The following TMPRSS11F variants were observed in gnomAD, a reference collection of about 807,000 sequenced individuals.
The protein encoded by TMPRSS11F is transmembrane protease serine 11F.
A neutral mutation model predicts 60.2 loss-of-function variants in TMPRSS11F; 47 were observed. That is an observed-to-expected ratio of 0.78 (90% CI 0.62 to 1.00). The LOEUF is 1.00. Ranked by LOEUF, TMPRSS11F falls within the 50% of genes least tolerant of loss-of-function variation. The pLI is 0.00. For synonymous variants in TMPRSS11F, 166 were observed against 167.3 expected, an observed-to-expected ratio of 0.99 and a Z score of 0.06; for missense variants, 519 against 522.9, an observed-to-expected ratio of 0.99 and a Z score of 0.07.
At chr4:68,092,862 T>C (rs1248135410) in intron 2 of TMPRSS11F, among the ~76,000 whole-genome samples, 1 of 151,776 alleles carries the variant, frequency 6.6e-6, no homozygotes, top group Non-Finnish European at 1.5e-5. Flanking sequence ...GTAAAAGTGA[T>C]TTTAATATAT....
chr4:68,092,940 T>A (rs1723975732), intron 2 of TMPRSS11F, among the ~76,000 whole-genome samples: 2 of 152,204 alleles, frequency 1.3e-5, no homozygotes. Flanking sequence ...TTAGTCACTA[T>A]ACTATAGCAA....
At chr4:68,072,895 C>T (rs761992065) in intron 4 of TMPRSS11F, among the ~76,000 whole-genome samples, 1 of 152,080 alleles carries the variant, frequency 6.6e-6, no homozygotes, top group Admixed American at 6.6e-5. Flanking sequence ...AGGGAGGATC[C>T]TTTTGTTTAC....
Position 68,072,422 on chromosome 4 carries a change from C to T in TMPRSS11F, c.415G>A (p.Ala139Thr). Reference protein sequence around the residue: ...LIFRYPSTDSAEQIKKKIEKA... With the variant: ...LIFRYPSTDSTEQIKKKIEKA... ...TCAATTTTTTTCTTGATTTGTTCAG[C>T]ACTATCAGTAGATGGGTATCGAAAT... The change falls in exon 5 of 10, where the codon GCT (alanine) becomes ACT (threonine). Residue 139 changes from alanine to threonine, a missense_variant. Ala to Thr is a moderately conservative substitution (Grantham distance 58). Transcript: ENST00000356291. 1.3e-6 allele frequency: 2 copies of T among 1,591,558 alleles called. No homozygotes were observed.
At chr4:68,083,614 C>A (rs1723749238) in intron 3 of TMPRSS11F, among the ~76,000 whole-genome samples, 1 of 151,952 alleles carries the variant, frequency 6.6e-6, no homozygotes, top group South Asian at 2.1e-4. Flanking sequence ...AGACAACAGA[C>A]TATACTCAAC....
In TMPRSS11F at chr4:68,065,830, G is replaced by A. The variant is rs115290037; in HGVS notation, c.756-886C>T. 9.2e-3 allele frequency among the ~76,000 whole-genome samples: 1,405 copies of A among 151,902 alleles called. 22 individuals carry two copies. The highest frequency in any genetic ancestry group is 0.033 in the African/African-American group (1,356 of 41,476). On this transcript the variant is annotated intron_variant, in intron 7 of 9. Transcript: ENST00000356291. ...TGCTGCACTGCCCTAAAAATGAGCA[G>A]GCAGAGGCCAGGTGTGGTGGCTCAT...
intron 1 of TMPRSS11F, among the ~76,000 whole-genome samples, chr4:68,123,589 A>G (rs1388651016): frequency 1.3e-5 from 2 of 152,234 alleles, no homozygotes; most frequent in Non-Finnish European, 2.9e-5. Context: ...AGTACCATCC[A>G]AAGCAACTGA....
intron 1 of TMPRSS11F, among the ~76,000 whole-genome samples, chr4:68,110,044 A>G (rs1724382313): frequency 6.6e-6 from 1 of 152,216 alleles, no homozygotes; most frequent in Admixed American, 6.5e-5. Flanking sequence ...TATGTCTTAC[A>G]TATGTCTTAA....
At position 68,093,726 on chromosome 4, in the gene TMPRSS11F, A is replaced by C. The variant is rs969709735; in HGVS notation, c.164-3085T>G. On this transcript the variant is annotated intron_variant, in intron 2 of 9. Coordinates refer to ENST00000356291, the MANE Select transcript of TMPRSS11F (RefSeq NM_207407.2). ...AGAAAAAAACAAACAACCCCATCAA[A>C]AAGTGGGCGAAGGACATGAACAGAC... is the stretch of plus-strand genomic sequence containing the variant. Among the ~76,000 whole-genome samples, 8 of 152,024 alleles carry C rather than the reference A, an allele frequency of 5.3e-5. No homozygotes were observed. In the East Asian group the frequency reaches 1.5e-3, roughly 29 times the overall value.
chr4:68,090,782 C>T, intron 2 of TMPRSS11F, 141 bp from the exon 3 acceptor site: 1 of 1,350,824 alleles, frequency 7.4e-7, no homozygotes, highest in Admixed American at 3.1e-5. Flanking sequence ...AGACACTTCT[C>T]AAATACTCTG....
intron 1 of TMPRSS11F, among the ~76,000 whole-genome samples, chr4:68,111,409 AGC>A: frequency 6.6e-6 from 1 of 152,196 alleles, no homozygotes. Context: ...TGTAGACAGC[AGC>A]TGATTTTACC....
intron 8 of TMPRSS11F, chr4:68,063,207 A>G (rs1723239493): frequency 5.1e-6 from 3 of 591,160 alleles, no homozygotes; most frequent in South Asian, 2.7e-5. Context: ...CTCTGGAGAT[A>G]CTTTTCTAAA....
At chr4:68,082,809 G>C (rs949528086) in intron 3 of TMPRSS11F, among the ~76,000 whole-genome samples, 4 of 152,246 alleles carry the variant, frequency 2.6e-5, no homozygotes, top group Non-Finnish European at 4.4e-5. Context: ...TGATGGGCTG[G>C]TACAGAAGCT....
chr4:68,077,234 A>G (rs917055072), intron 3 of TMPRSS11F: 5 of 152,376 alleles, frequency 3.3e-5, no homozygotes, highest in East Asian at 3.9e-4. Context: ...CCCTAGTCCA[A>G]CCTCCCCAAG....
At chr4:68,063,005 C>T (rs771895762) in intron 8 of TMPRSS11F, 2 of 684,780 alleles carry the variant, frequency 2.9e-6, no homozygotes, top group Non-Finnish European at 5.6e-6. Flanking sequence ...ACTTTCACTA[C>T]AAGACATTTC....
chr4:68,073,657 C>T (rs923409973), intron 4 of TMPRSS11F, among the ~76,000 whole-genome samples: 2 of 142,456 alleles, frequency 1.4e-5, no homozygotes, highest in African/African-American at 4.9e-5. Context: ...TCTACTTAGC[C>T]CCTAGCTTAA....
At chr4:68,102,811 T>C (rs1289680097) in intron 1 of TMPRSS11F, among the ~76,000 whole-genome samples, 1 of 152,164 alleles carries the variant, frequency 6.6e-6, no homozygotes, top group East Asian at 1.9e-4. Flanking sequence ...TAGAAGCTTT[T>C]AAGTTTGATG....
chr4:68,088,532 A>G (rs1723861537), intron 3 of TMPRSS11F, among the ~76,000 whole-genome samples: 1 of 152,002 alleles, frequency 6.6e-6, no homozygotes, highest in African/African-American at 2.4e-5. Context: ...TCAGCTCTGC[A>G]CCAAGCGGAC....
chr4:68,114,990 T>TAAAAAAAAAAA (rs56946635), intron 1 of TMPRSS11F, among the ~76,000 whole-genome samples: 4 of 114,376 alleles, frequency 3.5e-5, no homozygotes, highest in African/African-American at 1.4e-4. Flanking sequence ...ATTCATTATT[T>TAAAAAAAAAAA]AAAAAAAAAA....
intron 1 of TMPRSS11F, among the ~76,000 whole-genome samples, chr4:68,104,489 C>G (rs1724258682): frequency 6.6e-6 from 1 of 152,068 alleles, no homozygotes; most frequent in African/African-American, 2.4e-5. Context: ...TTATAAGATG[C>G]TTTTCCCTGC....
Sources: gnomAD v4.1 joint callset for allele counts (sites outside exome capture counted in the v4.1 genomes callset) on GRCh38, gnomAD v4.1.1 for gene constraint, MANE v1.5 for transcripts, NCBI Gene and HGNC (gene_info 2026-07-23, HGNC 2026-07-21) for gene names.